The following PPIP5K2 variants were observed in gnomAD, a reference collection of about 807,000 sequenced individuals.
PPIP5K2 encodes the protein inositol hexakisphosphate and diphosphoinositol-pentakisphosphate kinase 2.
Under a neutral mutation model 154.6 loss-of-function variants are expected in PPIP5K2, and 105 were observed. The ratio of observed to expected loss-of-function variants is 0.68; its 90% CI spans 0.58 to 0.80. PPIP5K2 has a LOEUF of 0.80. PPIP5K2 is among the 30% of genes least tolerant of loss of function. The pLI is 0.00. For missense variants in PPIP5K2, 992 were observed against 1,504.6 expected (o/e 0.66, Z 5.64); for synonymous variants, 480 against 490.3 (o/e 0.98, Z 0.28).
Position 103,135,477 on chromosome 5 carries a change from G to A in PPIP5K2, c.311-1255G>A, listed in dbSNP as rs80313175. The stretch of plus-strand genomic sequence containing the variant: ...GACAGGGTCTTGCTGTGTCAACTAG[G>A]CTGGAGTGCAGTGGTATAGTCATAG... On this transcript the variant is annotated intron_variant, in intron 3 of 30. Transcript: ENST00000358359. Among the ~76,000 whole-genome samples the A allele has an allele frequency of 1.5e-3, 231 of 152,224 alleles. 2 individuals are homozygous for A. The East Asian group carries it at 0.04, about 27-fold the overall frequency.
At chr5:103,156,767 G>A (rs972295972) in intron 14 of PPIP5K2, among the ~76,000 whole-genome samples, 2 of 152,104 alleles carry the variant, frequency 1.3e-5, no homozygotes, top group Non-Finnish European at 2.9e-5. Flanking sequence ...CTTATGCTTT[G>A]ACCTGAATTC....
In PPIP5K2 at chr5:103,154,652, TTC is replaced by T; in HGVS notation, c.1218-16_1218-15del. 9 of 1,399,750 alleles carry T rather than the reference TTC, an allele frequency of 6.4e-6. No homozygotes were observed. The highest frequency in any genetic ancestry group is 8.9e-6 in the Non-Finnish European group (9 of 1,010,380). The allele number at this position is 1,399,750 out of a possible 1,614,324, so 86.7% of individuals were successfully genotyped here. A position where few individuals can be genotyped will look rare whatever the true frequency, so the allele number is the denominator to read the frequency against. On this transcript the variant is annotated splice_polypyrimidine_tract_variant and intron_variant, in intron 11 of 30. Transcript: ENST00000358359. The stretch of plus-strand genomic sequence containing the variant: ...TAATTATTGCAAGTGACTAACAGTG[TTC>T]TGTCTTTTTTATAAGATTTTTTGAT...
chr5:103,161,066 G>C (rs1384916445), intron 17 of PPIP5K2, among the ~76,000 whole-genome samples: 31 of 150,772 alleles, frequency 2.1e-4, no homozygotes, highest in Non-Finnish European at 3.8e-4. Context: ...CCATTAACTC[G>C]TCATTTACAT....
At chr5:103,133,307 A>T (rs1554203191) in intron 2 of PPIP5K2, 146 bp from the exon 3 acceptor site, 2 of 527,222 alleles carry the variant, frequency 3.8e-6, no homozygotes, top group African/African-American at 4.0e-5. Context: ...ACAATGATAT[A>T]ATTTTTAAAA....
chr5:103,180,333 C>A, intron 24 of PPIP5K2, 145 bp downstream of exon 24: 4 of 575,582 alleles, frequency 6.9e-6, no homozygotes, highest in Non-Finnish European at 1.0e-5. Context: ...AAATAAATTA[C>A]AAAAAATATA....
intron 21 of PPIP5K2, among the ~76,000 whole-genome samples, chr5:103,174,726 T>C (rs1798446879): frequency 6.6e-6 from 1 of 152,060 alleles, no homozygotes; most frequent in South Asian, 2.1e-4. Flanking sequence ...GCTCTCTTGG[T>C]TGAGGCAATC....
chr5:103,159,017 G>T, intron 16 of PPIP5K2, 129 bp from the exon 17 acceptor site: 1 of 616,408 alleles, frequency 1.6e-6, no homozygotes, highest in Non-Finnish European at 2.6e-6. Context: ...TGACAATAAT[G>T]AACTGTAGTA....
At chr5:103,200,491 A>T (rs1261974484) in intron 30 of PPIP5K2, among the ~76,000 whole-genome samples, 3 of 151,504 alleles carry the variant, frequency 2.0e-5, no homozygotes, top group African/African-American at 7.3e-5. Flanking sequence ...GTTCTTCCTC[A>T]TATTTAGTAC....
chr5:103,155,872 C>T lies in PPIP5K2; in HGVS notation c.1404-37C>T, dbSNP rs371642393. On this transcript the variant is annotated intron_variant, in intron 13 of 30. Transcript: ENST00000358359. ...TGAATATGTGAGAATTAGTTTTTCC[C>T]TACATGTTCTATTCTGTTTATCATT... The T allele has an allele frequency of 6.4e-5, 85 of 1,331,186 alleles. No individual in the cohort carries two copies. In the African/African-American group the frequency reaches 1.1e-3, roughly 17 times the overall value. 82.5% of individuals were successfully genotyped at this position (1,331,186 alleles called of 1,614,324 possible).
Position 103,144,471 on chromosome 5 carries a change from C to G in PPIP5K2, c.488-2056C>G, listed in dbSNP as rs149663207. Among the ~76,000 whole-genome samples the G allele has an allele frequency of 9.0e-3, 1,367 of 152,172 alleles. 8 individuals are homozygous for G. The highest frequency in any genetic ancestry group is 0.013 in the Non-Finnish European group (856 of 67,982). ...CACAAAAAACTCAGAATAGCCATAGCCAGCCTGAGCAAAAACAACAAAACT... is the reference window on the plus strand; with the variant it reads ...CACAAAAAACTCAGAATAGCCATAGGCAGCCTGAGCAAAAACAACAAAACT... On this transcript the variant is annotated intron_variant, in intron 5 of 30. Coordinates refer to ENST00000358359, the MANE Select transcript of PPIP5K2 (RefSeq NM_001276277.3).
intron 3 of PPIP5K2, 35 bp from the exon 4 acceptor site, chr5:103,136,697 A>G (rs371374379): frequency 8.6e-5 from 130 of 1,516,636 alleles, no homozygotes; most frequent in Admixed American, 1.3e-4. Flanking sequence ...TTATCTTGAG[A>G]TAATACAGAA....
At position 103,183,405 on chromosome 5, in the gene PPIP5K2, C is replaced by G. The variant is rs781819503; in HGVS notation, c.3094C>G (p.Gln1032Glu). 1.9e-6 allele frequency: 3 copies of G among 1,606,776 alleles called. No homozygotes were observed. In the Admixed American group the frequency reaches 5.1e-5, roughly 27 times the overall value. The change falls in exon 25 of 31, where the codon CAG becomes GAG. Residue 1032 changes from glutamine (Q) to glutamate (E), a missense_variant and splice_region_variant. Physicochemically the swap from Gln to Glu is conservative, Grantham distance 29. Coordinates refer to ENST00000358359, the MANE Select transcript of PPIP5K2 (RefSeq NM_001276277.3). ...FTSSIFGSWQ[Q>E]VVSENANYLR... ...ATCCAGTATTTTTGGCTCATGGCAA[C>G]AGGTTTTTAAACTTTACTTCATTAA...
At chr5:103,166,814 A>G (rs910019727) in intron 17 of PPIP5K2, among the ~76,000 whole-genome samples, 1 of 151,974 alleles carries the variant, frequency 6.6e-6, no homozygotes, top group African/African-American at 2.4e-5. Context: ...TATATTTACT[A>G]TGCCTTAAGG....
At chr5:103,135,624 A>C (rs1483362068) in intron 3 of PPIP5K2, among the ~76,000 whole-genome samples, 1 of 152,060 alleles carries the variant, frequency 6.6e-6, no homozygotes. Flanking sequence ...TAGAGATGGG[A>C]TCTTGCTATG....
At chr5:103,141,857 G>A (rs1440792132) in intron 5 of PPIP5K2, among the ~76,000 whole-genome samples, 1 of 152,126 alleles carries the variant, frequency 6.6e-6, no homozygotes, top group Non-Finnish European at 1.5e-5. Flanking sequence ...GTAGATTGGT[G>A]CACTCACAAA....
At chr5:103,146,925 C>A (rs1554209359) in intron 6 of PPIP5K2, among the ~76,000 whole-genome samples, 1 of 151,918 alleles carries the variant, frequency 6.6e-6, no homozygotes, top group East Asian at 1.9e-4. Context: ...TCTTTTCCCT[C>A]CCATTTTGTA....
Position 103,136,716 on chromosome 5 carries a change from T to C in PPIP5K2, c.311-16T>C, listed in dbSNP as rs782680610. 6.3e-7 allele frequency: 1 copy of C among 1,587,136 alleles called. No individual in the cohort carries two copies. The highest frequency in any genetic ancestry group is 8.7e-7 in the Non-Finnish European group (1 of 1,155,740). On this transcript the variant is annotated splice_polypyrimidine_tract_variant and intron_variant, in intron 3 of 30. Coordinates refer to ENST00000358359, the MANE Select transcript of PPIP5K2 (RefSeq NM_001276277.3). ...CTTGAGATAATACAGAATATGTTAA[T>C]AATATGTGTTCTTAGGATTTCCACT...
chr5:103,129,454 T>C lies in PPIP5K2; in HGVS notation c.-136T>C. 3 of 562,990 alleles carry C rather than the reference T, an allele frequency of 5.3e-6. No homozygotes were observed. The highest frequency in any genetic ancestry group is 5.8e-6 in the Non-Finnish European group (2 of 345,572). The allele number at this position is 562,990 out of a possible 1,614,324, so 34.9% of individuals were successfully genotyped here. ...CAACAGTCATCATAATATCAAGTGA[T>C]TGTATAAGCAGAAACAAGCTGTCAC... On this transcript the variant is annotated 5_prime_UTR_variant, in exon 2 of 31. Coordinates refer to ENST00000358359, the MANE Select transcript of PPIP5K2 (RefSeq NM_001276277.3).
chr5:103,193,019 G>T (rs1277584687), intron 29 of PPIP5K2, among the ~76,000 whole-genome samples: 1 of 152,054 alleles, frequency 6.6e-6, no homozygotes, highest in East Asian at 1.9e-4. Context: ...GTTAGGGCTT[G>T]TGTCTTTCAT....
Sources: gnomAD v4.1 joint callset for allele counts (sites outside exome capture counted in the v4.1 genomes callset) on GRCh38, gnomAD v4.1.1 for gene constraint, MANE v1.5 for transcripts, NCBI Gene and HGNC (gene_info 2026-07-23, HGNC 2026-07-21) for gene names.